LRRTM4: variants seen among roughly 807,000 people sequenced by gnomAD.
The protein encoded by LRRTM4 is leucine rich repeat transmembrane neuronal 4, also known as leucine-rich repeat transmembrane neuronal protein 4.
Under a neutral mutation model 47.6 loss-of-function variants are expected in LRRTM4, and 25 were observed. The ratio of observed to expected loss-of-function variants is 0.53; its 90% CI spans 0.38 to 0.73. LRRTM4 has a LOEUF of 0.73. Among genes scored for constraint, LRRTM4 ranks in the 30% least tolerant of loss-of-function variants. The probability of loss-of-function intolerance (pLI) is 0.00; values close to 1 mark genes in which losing one functional copy is unlikely to be tolerated. For synonymous variants in LRRTM4, 311 were observed against 269.5 expected (o/e 1.15, Z -1.51); for missense variants, 638 against 713.4 (o/e 0.89, Z 1.20).
At chr2:76,847,921 G>C (rs1056553602) in intron 3 of LRRTM4, among the ~76,000 whole-genome samples, 1 of 151,998 alleles carries the variant, frequency 6.6e-6, no homozygotes, top group Non-Finnish European at 1.5e-5. Context: ...AAACATTTTT[G>C]AGTGTTCCCT....
chr2:77,163,870 G>T (rs993729656), intron 3 of LRRTM4, among the ~76,000 whole-genome samples: 8 of 152,168 alleles, frequency 5.3e-5, no homozygotes, highest in Non-Finnish European at 1.2e-4. Flanking sequence ...AAATTGTAAA[G>T]ACCTTCAATG....
intron 3 of LRRTM4, among the ~76,000 whole-genome samples, chr2:77,404,391 G>C (rs921391600): frequency 6.6e-6 from 1 of 151,882 alleles, no homozygotes; most frequent in African/African-American, 2.4e-5. Context: ...CATTCAATTT[G>C]ATGTCTCAGC....
intron 3 of LRRTM4, among the ~76,000 whole-genome samples, chr2:77,134,010 T>C (rs975726929): frequency 1.3e-5 from 2 of 152,166 alleles, no homozygotes; most frequent in Admixed American, 6.6e-5. Flanking sequence ...GTAACTAACA[T>C]TGAAAATTAG....
At chr2:76,933,322 A>G (rs1334256558) in intron 3 of LRRTM4, among the ~76,000 whole-genome samples, 1 of 152,066 alleles carries the variant, frequency 6.6e-6, no homozygotes, top group Non-Finnish European at 1.5e-5. Context: ...GCCAATCACT[A>G]CATCTTAAAA....
intron 3 of LRRTM4, among the ~76,000 whole-genome samples, chr2:77,014,411 A>G (rs1468971895): frequency 4.0e-5 from 6 of 151,852 alleles, no homozygotes; most frequent in African/African-American, 1.4e-4. Flanking sequence ...AACTCACCCT[A>G]CAATATAAAT....
intron 3 of LRRTM4, among the ~76,000 whole-genome samples, chr2:77,470,308 G>A (rs935000043): frequency 6.6e-6 from 1 of 152,188 alleles, no homozygotes; most frequent in African/African-American, 2.4e-5. Context: ...TGGACAGGCA[G>A]ATGGATGGAC....
At chr2:77,259,589 T>C (rs1675863047) in intron 3 of LRRTM4, among the ~76,000 whole-genome samples, 1 of 151,912 alleles carries the variant, frequency 6.6e-6, no homozygotes, top group Non-Finnish European at 1.5e-5. Context: ...TAAAAGAAGT[T>C]TGGGAAGTGT....
chr2:77,340,916 T>C lies in LRRTM4; in HGVS notation c.1551+177402A>G, dbSNP rs963076221. On this transcript the variant is annotated intron_variant, in intron 3 of 3. Coordinates refer to ENST00000409884, the MANE Select transcript of LRRTM4 (RefSeq NM_001134745.3). Reference sequence around the variant, plus strand: ...AAATTTAACAGTGCATATCACACAATCTCATAAAATACCTCTGAGTCAGAG... The same window carrying C: ...AAATTTAACAGTGCATATCACACAACCTCATAAAATACCTCTGAGTCAGAG... Among the ~76,000 whole-genome samples, 5 of 151,992 alleles carry C rather than the reference T, an allele frequency of 3.3e-5. No homozygotes were observed. In the East Asian group the frequency reaches 7.7e-4, roughly 24 times the overall value.
intron 3 of LRRTM4, among the ~76,000 whole-genome samples, chr2:77,444,209 T>G (rs1675956641): frequency 6.6e-6 from 1 of 152,090 alleles, no homozygotes; most frequent in African/African-American, 2.4e-5. Context: ...ATGATATACC[T>G]AGGTGGTCAT....
At chr2:77,231,147 A>AT (rs1198581035) in intron 3 of LRRTM4, among the ~76,000 whole-genome samples, 2 of 151,954 alleles carry the variant, frequency 1.3e-5, no homozygotes, top group Non-Finnish European at 2.9e-5. Flanking sequence ...TCTCTGTTTT[A>AT]TTTTTTTAAC....
intron 3 of LRRTM4, among the ~76,000 whole-genome samples, chr2:77,234,782 G>T (rs1438856896): frequency 6.6e-6 from 1 of 152,066 alleles, no homozygotes; most frequent in Non-Finnish European, 1.5e-5. Context: ...AGATTCGGGG[G>T]TATAAGTGCA....
At position 77,051,372 on chromosome 2, in the gene LRRTM4, A is replaced by G. The variant is rs190979377; in HGVS notation, c.1552-302456T>C. ...GATCTGTTTAGGGAGAGGCCAAGTGAGAGTGAAAGAACTGTTTACCATTTG... is the reference window on the plus strand; with the variant it reads ...GATCTGTTTAGGGAGAGGCCAAGTGGGAGTGAAAGAACTGTTTACCATTTG... On this transcript the variant is annotated intron_variant, in intron 3 of 3. Transcript: ENST00000409884. Among the ~76,000 whole-genome samples the G allele has an allele frequency of 3.6e-3, 543 of 152,264 alleles. 10 individuals are homozygous for G. Among genetic ancestry groups the G allele is most frequent in the South Asian group, 6.0e-3 (29 of 4,824 alleles).
rs548204198 is a variant in LRRTM4, at chr2:77,058,824, A to G, written c.1552-309908T>C. On this transcript the variant is annotated intron_variant, in intron 3 of 3. Coordinates refer to ENST00000409884, the MANE Select transcript of LRRTM4 (RefSeq NM_001134745.3). ...TTATTTAGACGATTGTTTTAAATATATTACTTATATCAATCTAATATAGGT... is the reference window on the plus strand; with the variant it reads ...TTATTTAGACGATTGTTTTAAATATGTTACTTATATCAATCTAATATAGGT... Among the ~76,000 whole-genome samples, 18 of 152,266 alleles carry G rather than the reference A, an allele frequency of 1.2e-4. No homozygotes were observed. The East Asian group carries it at 3.3e-3, about 28-fold the overall frequency.
chr2:76,836,100 A>C (rs1393397645), intron 3 of LRRTM4, among the ~76,000 whole-genome samples: 1 of 151,586 alleles, frequency 6.6e-6, no homozygotes, highest in Non-Finnish European at 1.5e-5. Context: ...TTCCTTGCCC[A>C]GGTTTTCTAA....
At chr2:77,254,870 C>T (rs1675718277) in intron 3 of LRRTM4, among the ~76,000 whole-genome samples, 1 of 131,744 alleles carries the variant, frequency 7.6e-6, no homozygotes, top group Non-Finnish European at 1.6e-5. Context: ...TAAAAGCGAA[C>T]AGAGAAATAG....
chr2:77,480,024 G>T (rs928158023), intron 3 of LRRTM4, among the ~76,000 whole-genome samples: 4 of 152,114 alleles, frequency 2.6e-5, no homozygotes, highest in Non-Finnish European at 4.4e-5. Flanking sequence ...ATGTGGTGGT[G>T]ATATCACCAC....
chr2:77,493,072 A>AG, intron 3 of LRRTM4, among the ~76,000 whole-genome samples: 1 of 152,244 alleles, frequency 6.6e-6, no homozygotes, highest in Non-Finnish European at 1.5e-5. Context: ...TAGAAAACAA[A>AG]GGCACAAATA....
chr2:77,198,436 G>T (rs1673886620), intron 3 of LRRTM4, among the ~76,000 whole-genome samples: 1 of 152,086 alleles, frequency 6.6e-6, no homozygotes, highest in Non-Finnish European at 1.5e-5. Context: ...TCATAAATAT[G>T]TTAGCCTCTA....
intron 3 of LRRTM4, among the ~76,000 whole-genome samples, chr2:77,352,215 G>A (rs1338278341): frequency 2.0e-5 from 3 of 152,028 alleles, no homozygotes; most frequent in African/African-American, 7.2e-5. Context: ...AGAGTTTAAA[G>A]CTATTTGTTT....
Sources: allele counts gnomAD v4.1 joint callset (sites outside exome capture counted in the v4.1 genomes callset), GRCh38; gene constraint gnomAD v4.1.1; transcripts MANE v1.5; gene names NCBI Gene and HGNC (gene_info 2026-07-23, HGNC 2026-07-21).